The following TRIO variants were observed in gnomAD, a reference collection of about 807,000 sequenced individuals.
TRIO encodes the protein triple functional domain protein.
A neutral mutation model predicts 351.9 loss-of-function variants in TRIO; 58 were observed. The observed-to-expected ratio is 0.16, with a 90% confidence interval of 0.13 to 0.21. The LOEUF is 0.21. Ranked by LOEUF, TRIO falls within the 10% of genes least tolerant of loss-of-function variation. The pLI is 1.00. For synonymous variants in TRIO, 1,758 were observed against 1,595.7 expected (o/e 1.10, Z -2.42); for missense variants, 3,201 against 4,027.8 (o/e 0.79, Z 5.56).
At chr5:14,290,602 TATAA>T in intron 4 of TRIO, 110 bp from the exon 5 acceptor site, 1 of 1,108,824 alleles carries the variant, frequency 9.0e-7, no homozygotes, top group Non-Finnish European at 1.3e-6. Context: ...TTATGTTTTC[TATAA>T]ATAGATTACT....
chr5:14,474,401 G>A (rs777563012), intron 40 of TRIO, among the ~76,000 whole-genome samples: 14 of 152,112 alleles, frequency 9.2e-5, no homozygotes, highest in African/African-American at 1.9e-4. Context: ...CCGAGCCCTC[G>A]GCCTCCCTGC....
chr5:14,504,057 C>T (rs1045949399), intron 54 of TRIO, among the ~76,000 whole-genome samples: 1 of 152,236 alleles, frequency 6.6e-6, no homozygotes, highest in African/African-American at 2.4e-5. Context: ...AGCTTCTGCT[C>T]GTCGTGGGAA....
intron 9 of TRIO, among the ~76,000 whole-genome samples, chr5:14,329,219 C>G (rs1429488876): frequency 2.6e-5 from 4 of 152,310 alleles, no homozygotes; most frequent in East Asian, 3.9e-4. Flanking sequence ...CCAGATTGCC[C>G]CCTAGACCAC....
intron 1 of TRIO, among the ~76,000 whole-genome samples, chr5:14,227,745 C>T (rs1353031750): frequency 6.6e-6 from 1 of 152,138 alleles, no homozygotes; most frequent in East Asian, 1.9e-4. Context: ...TAATCTGATA[C>T]GGACTCTTAA....
chr5:14,329,759 G>A (rs181728255), intron 9 of TRIO, among the ~76,000 whole-genome samples: 71 of 152,064 alleles, frequency 4.7e-4, no homozygotes, highest in African/African-American at 1.6e-3. Flanking sequence ...TTTTTTGCTG[G>A]TTATCTCCTA....
intron 1 of TRIO, among the ~76,000 whole-genome samples, chr5:14,237,487 G>A (rs1284011010): frequency 6.6e-6 from 1 of 152,130 alleles, no homozygotes; most frequent in Non-Finnish European, 1.5e-5. Flanking sequence ...CAGAGAATCC[G>A]GATTCGTGAA....
intron 8 of TRIO, among the ~76,000 whole-genome samples, chr5:14,313,454 G>A (rs774417371): frequency 1.3e-5 from 2 of 152,222 alleles, no homozygotes; most frequent in Non-Finnish European, 2.9e-5. Context: ...TCCATTCTCA[G>A]TAGAAGAATA....
chr5:14,261,223 C>T (rs549308952), intron 1 of TRIO, among the ~76,000 whole-genome samples: 15 of 152,332 alleles, frequency 9.8e-5, no homozygotes, highest in East Asian at 5.8e-4. Flanking sequence ...CTGTCTGGAA[C>T]GCTTTGGCTT....
rs1754854105 is a variant in TRIO, at chr5:14,473,846, T to C, written c.5980-148T>C. 1.5e-5 allele frequency: 9 copies of C among 614,244 alleles called. No homozygotes were observed. In the South Asian group the frequency reaches 1.9e-4, roughly 13 times the overall value. 38.0% of individuals were successfully genotyped at this position (614,244 alleles called of 1,614,324 possible). A position where few individuals can be genotyped will look rare whatever the true frequency, so the allele number is the denominator to read the frequency against. On this transcript the variant is annotated intron_variant, in intron 39 of 56. Transcript: ENST00000344204. Reference sequence around the variant, plus strand: ...GTATCAGTTAAGGATACTTTTCATATCGGTTTTTTTTGTTTGTTTTTAGAC... The same window carrying C: ...GTATCAGTTAAGGATACTTTTCATACCGGTTTTTTTTGTTTGTTTTTAGAC...
At chr5:14,335,485 C>T (rs73059564) in intron 10 of TRIO, among the ~76,000 whole-genome samples, 6,182 of 152,272 alleles carry the variant, frequency 0.041, 437 homozygotes, top group African/African-American at 0.14. Flanking sequence ...CCTGTGGACC[C>T]CTCCGCAGCA....
chr5:14,486,595 A>C (rs1403066137), intron 47 of TRIO, among the ~76,000 whole-genome samples: 1 of 152,100 alleles, frequency 6.6e-6, no homozygotes, highest in Admixed American at 6.6e-5. Flanking sequence ...AATTTTCATC[A>C]TTGTCTTTAA....
chr5:14,384,089 G>A (rs1403240867), intron 21 of TRIO, among the ~76,000 whole-genome samples: 1 of 152,186 alleles, frequency 6.6e-6, no homozygotes. Context: ...GGTTGTGGGT[G>A]TTTATTTAAG....
chr5:14,179,154 G>T (rs990608980), intron 1 of TRIO, among the ~76,000 whole-genome samples: 2 of 152,088 alleles, frequency 1.3e-5, no homozygotes, highest in Non-Finnish European at 2.9e-5. Flanking sequence ...CCAGCACGTC[G>T]GTGTCCCGTC....
At chr5:14,230,405 A>ATG (rs761793576) in intron 1 of TRIO, among the ~76,000 whole-genome samples, 4 of 150,618 alleles carry the variant, frequency 2.7e-5, no homozygotes, top group Non-Finnish European at 4.4e-5. Flanking sequence ...GTCACACACA[A>ATG]TGTCTGTCCC....
intron 28 of TRIO, among the ~76,000 whole-genome samples, chr5:14,396,245 G>C (rs900031463): frequency 1.3e-5 from 2 of 151,764 alleles, no homozygotes; most frequent in East Asian, 1.9e-4. Context: ...GCATTTGACT[G>C]TAAGTAACTC....
rs139698038 is a variant in TRIO at position 14,419,651 on chromosome 5, A to G, written c.4960-127A>G. The stretch of plus-strand genomic sequence containing the variant: ...ATACGGAGAGTGCAGTGATCACACA[A>G]CCTCGGAGCACTCAGCTCACTCCGG... On this transcript the variant is annotated intron_variant, in intron 33 of 56. Transcript: ENST00000344204. 304 of 1,305,452 alleles carry G rather than the reference A, an allele frequency of 2.3e-4. No homozygotes were observed. The African/African-American group carries it at 4.1e-3, about 17-fold the overall frequency. 80.9% of individuals were successfully genotyped at this position (1,305,452 alleles called of 1,614,324 possible). A position where few individuals can be genotyped will look rare whatever the true frequency, so the allele number is the denominator to read the frequency against.
intron 21 of TRIO, among the ~76,000 whole-genome samples, chr5:14,381,520 A>G (rs1045774179): frequency 1.3e-5 from 2 of 151,806 alleles, no homozygotes; most frequent in African/African-American, 4.8e-5. Flanking sequence ...ATTCCCTTCT[A>G]CACTTTCCCC....
chr5:14,381,472 C>T (rs558065717), intron 21 of TRIO, among the ~76,000 whole-genome samples: 5 of 152,302 alleles, frequency 3.3e-5, no homozygotes, highest in Admixed American at 6.5e-5. Flanking sequence ...TCTGTGAATA[C>T]GGCCATCTCT....
At position 14,498,160 on chromosome 5, in the gene TRIO, C is replaced by T. The variant is rs747166529; in HGVS notation, c.8119C>T (p.Arg2707Ter). The change falls in exon 52 of 57, where the codon CGA (arginine) becomes TGA (stop). Residue 2707 changes from arginine (R) to a stop codon, truncating the protein, a stop_gained. Transcript: ENST00000344204. LOFTEE classifies it high-confidence loss of function. ...ETGETVVLRC[R>*]VCGRPKASIT... is the part of the protein sequence containing the mutation. ...AGGGGAGACCGTTGTTCTTAGATGT[C>T]GAGTCTGTGGCCGCCCCAAAGCCTC... 5 of 1,614,144 alleles carry T rather than the reference C, an allele frequency of 3.1e-6. No individual in the cohort carries two copies. The highest frequency in any genetic ancestry group is 3.4e-6 in the Non-Finnish European group (4 of 1,180,024).
Sources: gnomAD v4.1 joint callset for allele counts (sites outside exome capture counted in the v4.1 genomes callset) on GRCh38, gnomAD v4.1.1 for gene constraint, MANE v1.5 for transcripts, NCBI Gene and HGNC (gene_info 2026-07-23, HGNC 2026-07-21) for gene names.